The following TENM3 variants were observed in gnomAD, a reference collection of about 807,000 sequenced individuals.
TENM3 encodes the protein teneurin-3.
In TENM3, 63 loss-of-function variants were observed where a neutral mutation model predicts 255.1. That is an observed-to-expected ratio of 0.25 (90% confidence interval 0.20 to 0.30). The LOEUF (loss-of-function observed/expected upper bound fraction) is 0.30. Ranked by LOEUF, TENM3 falls within the 10% of genes least tolerant of loss-of-function variation. The pLI is 1.00. For missense variants in TENM3, 2,929 were observed against 3,461.1 expected (o/e 0.85, Z 3.86); for synonymous variants, 1,306 against 1,322.3 (o/e 0.99, Z 0.27).
chr4:182,298,794 G>A (rs1285569408), intron 1 of TENM3, among the ~76,000 whole-genome samples: 1 of 151,584 alleles, frequency 6.6e-6, no homozygotes, highest in Non-Finnish European at 1.5e-5. Flanking sequence ...CCAATATGGT[G>A]AAACCCCATC....
At chr4:182,297,649 G>A (rs2150354040) in intron 1 of TENM3, among the ~76,000 whole-genome samples, 1 of 152,300 alleles carries the variant, frequency 6.6e-6, no homozygotes, top group East Asian at 1.9e-4. Flanking sequence ...ACTAAGAATA[G>A]CTCCTGTAGT....
At chr4:181,963,084 A>G in the TENM3 span, among the ~76,000 whole-genome samples, 631 of 152,262 alleles carry the variant, frequency 4.1e-3, 19 homozygotes, top group South Asian at 0.059. Context: ...GGTTTCTTTG[A>G]ATACATTTTA....
At chr4:182,482,919 A>C (rs1305619487) in intron 3 of TENM3, among the ~76,000 whole-genome samples, 1 of 152,196 alleles carries the variant, frequency 6.6e-6, no homozygotes, top group African/African-American at 2.4e-5. Flanking sequence ...TGGATTTCAG[A>C]TTCCTTTTAG....
chr4:181,842,092 C>A, the TENM3 span, among the ~76,000 whole-genome samples: 87 of 152,078 alleles, frequency 5.7e-4, no homozygotes, highest in African/African-American at 1.9e-3. Flanking sequence ...AGAATATATT[C>A]TTCTGATAAC....
intron 1 of TENM3, among the ~76,000 whole-genome samples, chr4:182,216,302 C>T (rs534745576): frequency 6.6e-6 from 1 of 152,320 alleles, no homozygotes; most frequent in East Asian, 1.9e-4. Context: ...GTGAAAGATA[C>T]CTAGGTGTGA....
intron 13 of TENM3, among the ~76,000 whole-genome samples, chr4:182,727,091 T>C (rs891484905): frequency 2.0e-5 from 3 of 152,038 alleles, no homozygotes; most frequent in African/African-American, 7.2e-5. Context: ...CTCCTAAGAG[T>C]GATTAAAGTC....
intron 3 of TENM3, among the ~76,000 whole-genome samples, chr4:182,551,364 T>C (rs1214860890): frequency 1.3e-5 from 2 of 152,326 alleles, no homozygotes; most frequent in Non-Finnish European, 2.9e-5. Context: ...TACCTAATGT[T>C]AGTCCATGTT....
intron 4 of TENM3, among the ~76,000 whole-genome samples, chr4:182,619,656 A>T (rs1488543039): frequency 6.6e-6 from 1 of 152,206 alleles, no homozygotes; most frequent in East Asian, 1.9e-4. Flanking sequence ...GTTGTTGTTA[A>T]ATAGAATCCC....
At chr4:182,744,187 T>C (rs1233036365) in intron 19 of TENM3, 2 of 950,564 alleles carry the variant, frequency 2.1e-6, no homozygotes, top group Non-Finnish European at 2.5e-6. Context: ...CTTAAGGTTA[T>C]TGTATATTTT....
At chr4:181,771,629 C>T in the TENM3 span, among the ~76,000 whole-genome samples, 1 of 152,224 alleles carries the variant, frequency 6.6e-6, no homozygotes, top group Non-Finnish European at 1.5e-5. Flanking sequence ...GGAACCAACT[C>T]GTCTCTGTTC....
At chr4:181,782,102 C>G in the TENM3 span, among the ~76,000 whole-genome samples, 2 of 152,104 alleles carry the variant, frequency 1.3e-5, no homozygotes, top group South Asian at 2.1e-4. Context: ...GTATCTCTGC[C>G]AGGCTTTGGT....
At chr4:182,762,496 CAT>C (rs1284245041) in intron 22 of TENM3, among the ~76,000 whole-genome samples, 1 of 152,212 alleles carries the variant, frequency 6.6e-6, no homozygotes, top group Non-Finnish European at 1.5e-5. Context: ...GAGAACTTTT[CAT>C]GTTTTACAAT....
intron 1 of TENM3, among the ~76,000 whole-genome samples, chr4:182,290,180 G>T (rs6851237): frequency 0.028 from 4,257 of 152,260 alleles, 204 homozygotes; most frequent in African/African-American, 0.096. Context: ...GATCAGAGTG[G>T]GGACCTGGCG....
At chr4:181,927,127 T>TA in the TENM3 span, among the ~76,000 whole-genome samples, 2 of 152,128 alleles carry the variant, frequency 1.3e-5, no homozygotes, top group African/African-American at 4.8e-5. Context: ...GTTTTTTTCA[T>TA]ACCCCAGTGG....
the TENM3 span, among the ~76,000 whole-genome samples, chr4:181,719,131 G>A: frequency 3.3e-5 from 5 of 151,854 alleles, no homozygotes; most frequent in South Asian, 2.1e-4. Context: ...GCGTGAACCC[G>A]GGAAGCGGAG....
the TENM3 span, among the ~76,000 whole-genome samples, chr4:181,469,476 C>G: frequency 6.6e-6 from 1 of 152,114 alleles, no homozygotes; most frequent in African/African-American, 2.4e-5. Context: ...TTTAAAAACA[C>G]TTACTTATTA....
At chr4:182,085,312 T>C in the TENM3 span, among the ~76,000 whole-genome samples, 3 of 152,142 alleles carry the variant, frequency 2.0e-5, no homozygotes, top group Non-Finnish European at 4.4e-5. Context: ...AGTGCCTTTC[T>C]CTAATTGGGC....
chr4:181,877,906 A>G, the TENM3 span, among the ~76,000 whole-genome samples: 1 of 152,204 alleles, frequency 6.6e-6, no homozygotes, highest in Non-Finnish European at 1.5e-5. Flanking sequence ...GACTAAGGAC[A>G]GGGTTTGGTG....
chr4:181,968,662 AT>A, the TENM3 span, among the ~76,000 whole-genome samples: 1 of 152,192 alleles, frequency 6.6e-6, no homozygotes, highest in African/African-American at 2.4e-5. Context: ...GTTCATCATT[AT>A]TACTACTTTG....
Sources: gnomAD v4.1 joint callset for allele counts (sites outside exome capture counted in the v4.1 genomes callset) on GRCh38, gnomAD v4.1.1 for gene constraint, MANE v1.5 for transcripts, NCBI Gene and HGNC (gene_info 2026-07-23, HGNC 2026-07-21) for gene names.